Variants in FAM120C observed in about 807,000 individuals in gnomAD.
FAM120C encodes the protein constitutive coactivator of PPAR-gamma-like protein 2.
In FAM120C, 14 loss-of-function variants were observed where a neutral mutation model predicts 71.2. The observed-to-expected ratio is 0.20, with a 90% CI of 0.13 to 0.31. The LOEUF is 0.31. FAM120C is among the 10% of genes least tolerant of loss of function. FAM120C has a pLI of 1.00. For missense variants in FAM120C, 500 were observed against 879.0 expected (o/e 0.57, Z 5.45); for synonymous variants, 354 against 353.2 (o/e 1.00, Z -0.03).
chrX:54,143,500 C>G (rs1242400583), intron 4 of FAM120C, among the ~76,000 whole-genome samples: 1 of 112,840 alleles, frequency 8.9e-6, no homozygotes, highest in Non-Finnish European at 1.9e-5. Flanking sequence ...ACTGATCCCA[C>G]AGAAATGCAA....
intron 1 of FAM120C, among the ~76,000 whole-genome samples, chrX:54,167,343 T>C (rs2067264817): frequency 8.9e-6 from 1 of 111,957 alleles, no homozygotes; most frequent in African/African-American, 3.2e-5. Context: ...TCGTTAACCT[T>C]GCAATTTTCC....
At chrX:54,148,179 ACTGGGG>A (rs2067166864) in intron 4 of FAM120C, among the ~76,000 whole-genome samples, 1 of 111,409 alleles carries the variant, frequency 9.0e-6, no homozygotes, top group Admixed American at 9.7e-5. Context: ...ACAACTACAG[ACTGGGG>A]GAAAATATTT....
intron 4 of FAM120C, among the ~76,000 whole-genome samples, chrX:54,148,033 GAAC>G (rs1482404329): frequency 9.0e-6 from 1 of 111,426 alleles, no homozygotes; most frequent in Non-Finnish European, 1.9e-5. Context: ...TTAAAAAAGA[GAAC>G]AAAAGAATAT....
chrX:54,147,843 C>T (rs954897052), intron 4 of FAM120C, among the ~76,000 whole-genome samples: 17 of 110,510 alleles, frequency 1.5e-4, no homozygotes, highest in South Asian at 7.8e-4. Flanking sequence ...TACAGGCACG[C>T]GCCACCATGC....
chrX:54,112,879 G>A (rs1557125966), intron 10 of FAM120C, among the ~76,000 whole-genome samples: 1 of 106,733 alleles, frequency 9.4e-6, no homozygotes, highest in Admixed American at 1.0e-4. Context: ...AATTAGCCAG[G>A]CATGGGGGCA....
intron 9 of FAM120C, 65 bp downstream of exon 9, chrX:54,132,627 G>A (rs2067073636): frequency 1.0e-6 from 1 of 966,528 alleles, no homozygotes; most frequent in South Asian, 2.7e-5. Flanking sequence ...TACCCAATGT[G>A]CCTGGACAGA....
intron 15 of FAM120C, among the ~76,000 whole-genome samples, chrX:54,074,505 G>A (rs1312634083): frequency 2.7e-5 from 3 of 112,309 alleles, no homozygotes; most frequent in African/African-American, 9.7e-5. Context: ...CGCAACCTCC[G>A]CCTCCTGGAT....
At chrX:54,172,402 A>G (rs2067293154) in intron 1 of FAM120C, among the ~76,000 whole-genome samples, 1 of 112,519 alleles carries the variant, frequency 8.9e-6, no homozygotes, top group Non-Finnish European at 1.9e-5. Context: ...GATCTGACTG[A>G]TTCATTTTGA....
chrX:54,112,032 AAAG>A (rs782704821), intron 10 of FAM120C, among the ~76,000 whole-genome samples: 1 of 112,232 alleles, frequency 8.9e-6, no homozygotes, highest in East Asian at 2.8e-4. Flanking sequence ...CATACTGGGG[AAAG>A]AATACCTTTT....
rs1304297767 is a variant in FAM120C, at chrX:54,070,196, C to G, written c.*2837G>C. 6.3e-5 allele frequency: 7 copies of G among 111,696 alleles called. No homozygotes were observed. Among genetic ancestry groups the G allele is most frequent in the African/African-American group, 2.3e-4 (7 of 30,741 alleles). 9.2% of individuals were successfully genotyped at this position (111,696 alleles called of 1,213,427 possible). A position where few individuals can be genotyped will look rare whatever the true frequency, so the allele number is the denominator to read the frequency against. On this transcript the variant is annotated 3_prime_UTR_variant, in exon 16 of 16. Coordinates refer to ENST00000375180, the MANE Select transcript of FAM120C (RefSeq NM_017848.6). The stretch of plus-strand genomic sequence containing the variant: ...GATAAATAAAAATCTAGGAATATGG[C>G]CATTTATGGTTCCTTCTTGTAACCT...
At chrX:54,160,714 G>GT (rs2067232145) in intron 1 of FAM120C, among the ~76,000 whole-genome samples, 1 of 111,348 alleles carries the variant, frequency 9.0e-6, no homozygotes, top group Admixed American at 9.7e-5. Flanking sequence ...AACAGATACT[G>GT]AATATGTACT....
At chrX:54,083,582 C>T (rs183420807) in intron 13 of FAM120C, among the ~76,000 whole-genome samples, 1 of 110,257 alleles carries the variant, frequency 9.1e-6, no homozygotes, top group Non-Finnish European at 1.9e-5. Context: ...CTGCAGCAAG[C>T]CATGATTGCA....
chrX:54,182,488 C>A lies in FAM120C; in HGVS notation c.699+12G>T, dbSNP rs782293935. The A allele has an allele frequency of 2.5e-6, 3 of 1,199,677 alleles. No individual in the cohort carries two copies. The highest frequency in any genetic ancestry group is 2.2e-5 in the Admixed American group (1 of 45,603). Reference sequence around the variant, plus strand: ...GTGGGGCTTATTATTTAAGATCCGGCCCCTCCCTCACCTTGACCCGGAAGC... The same window carrying A: ...GTGGGGCTTATTATTTAAGATCCGGACCCTCCCTCACCTTGACCCGGAAGC... On this transcript the variant is annotated intron_variant, in intron 1 of 15. Coordinates refer to ENST00000375180, the MANE Select transcript of FAM120C (RefSeq NM_017848.6).
At chrX:54,075,073 G>A (rs2066728408) in intron 15 of FAM120C, among the ~76,000 whole-genome samples, 1 of 111,523 alleles carries the variant, frequency 9.0e-6, no homozygotes, top group Non-Finnish European at 1.9e-5. Context: ...TGGGAGGATC[G>A]CTAAAGCTTG....
intron 10 of FAM120C, among the ~76,000 whole-genome samples, chrX:54,106,296 ACAAG>A (rs2066906782): frequency 8.9e-6 from 1 of 112,188 alleles, no homozygotes. Context: ...CCTGACAAAA[ACAAG>A]CAAAGGGGAA....
intron 10 of FAM120C, among the ~76,000 whole-genome samples, chrX:54,092,728 C>CA (rs1319529427): frequency 9.0e-6 from 1 of 111,636 alleles, no homozygotes; most frequent in Non-Finnish European, 1.9e-5. Flanking sequence ...ATGACTGGCT[C>CA]AGGTTATTAA....
intron 10 of FAM120C, among the ~76,000 whole-genome samples, chrX:54,092,717 A>G (rs1557122799): frequency 8.9e-6 from 1 of 111,907 alleles, no homozygotes; most frequent in Non-Finnish European, 1.9e-5. Flanking sequence ...CTGGTTTGAT[A>G]ATGACTGGCT....
chrX:54,173,206 T>G (rs969789584), intron 1 of FAM120C, among the ~76,000 whole-genome samples: 187 of 112,548 alleles, frequency 1.7e-3, no homozygotes, highest in African/African-American at 5.9e-3. Context: ...TCCAAGTACA[T>G]TTTTAAGTTC....
chrX:54,131,579 C>T (rs1239337370), intron 9 of FAM120C, among the ~76,000 whole-genome samples: 3 of 110,425 alleles, frequency 2.7e-5, no homozygotes, highest in Non-Finnish European at 5.7e-5. Context: ...GCTAGGATTA[C>T]AGGCATGCGC....
Sources: allele counts gnomAD v4.1 joint callset (sites outside exome capture counted in the v4.1 genomes callset), GRCh38; gene constraint gnomAD v4.1.1; transcripts MANE v1.5; gene names NCBI Gene and HGNC (gene_info 2026-07-23, HGNC 2026-07-21).